CDH13: variants seen among roughly 807,000 people sequenced by gnomAD.
The protein encoded by CDH13 is cadherin 13, also known as cadherin-13.
In CDH13, 24 loss-of-function variants were observed where a neutral mutation model predicts 63.8. That is an observed-to-expected ratio of 0.38 (90% CI 0.27 to 0.53). The LOEUF is 0.53. CDH13 is among the 20% of genes least tolerant of loss of function. The pLI is 0.85. For missense variants in CDH13, 1,049 were observed against 903.1 expected (o/e 1.16, Z -2.07); for synonymous variants, 503 against 355.3 (o/e 1.42, Z -4.67).
intron 1 of CDH13, among the ~76,000 whole-genome samples, chr16:82,757,868 C>T (rs529099799): frequency 6.6e-6 from 1 of 152,056 alleles, no homozygotes; most frequent in Non-Finnish European, 1.5e-5. Flanking sequence ...ACAAGATGGT[C>T]TCGATTTCTT....
chr16:83,276,042 C>T (rs1320995499), intron 5 of CDH13, among the ~76,000 whole-genome samples: 4 of 151,996 alleles, frequency 2.6e-5, no homozygotes, highest in African/African-American at 7.2e-5. Flanking sequence ...TAATTAGAAC[C>T]TGAACACCTA....
chr16:82,973,297 C>G (rs1272010688), intron 2 of CDH13, among the ~76,000 whole-genome samples: 1 of 152,220 alleles, frequency 6.6e-6, no homozygotes, highest in African/African-American at 2.4e-5. Flanking sequence ...TGCCGTCCTT[C>G]TCCTTTGCTC....
intron 8 of CDH13, among the ~76,000 whole-genome samples, chr16:83,611,313 G>T (rs1197214721): frequency 6.6e-6 from 1 of 151,888 alleles, no homozygotes; most frequent in African/African-American, 2.4e-5. Context: ...AATGTCATCT[G>T]TGCTCTATTT....
At chr16:83,070,912 G>C (rs374257810) in intron 3 of CDH13, among the ~76,000 whole-genome samples, 18 of 144,804 alleles carry the variant, frequency 1.2e-4, no homozygotes, top group African/African-American at 4.4e-4. Flanking sequence ...TATTGCTCAT[G>C]ATATACAACC....
intron 1 of CDH13, among the ~76,000 whole-genome samples, chr16:82,836,608 T>G (rs1195239845): frequency 6.6e-6 from 1 of 152,112 alleles, no homozygotes; most frequent in East Asian, 1.9e-4. Context: ...ACAGATAAGT[T>G]CTGGTATAAT....
Position 83,466,457 on chromosome 16 carries a change from C to T in CDH13, c.782-20020C>T, listed in dbSNP as rs552617559. ...TCACCTTCCTATGATCCACTGTCAG[C>T]AGGCTAGATGACATAAGCACACAGC... On this transcript the variant is annotated intron_variant, in intron 6 of 13. Coordinates refer to ENST00000567109, the MANE Select transcript of CDH13 (RefSeq NM_001257.5). Among the ~76,000 whole-genome samples the T allele has an allele frequency of 2.0e-5, 3 of 152,332 alleles. No homozygotes were observed. In the South Asian group the frequency reaches 6.2e-4, roughly 32 times the overall value.
At chr16:83,204,381 C>T (rs1267292662) in intron 4 of CDH13, among the ~76,000 whole-genome samples, 1 of 152,180 alleles carries the variant, frequency 6.6e-6, no homozygotes, top group Non-Finnish European at 1.5e-5. Context: ...CTGTAAAATG[C>T]TAAGAATAGC....
At chr16:83,654,017 A>G (rs1032707596) in intron 8 of CDH13, among the ~76,000 whole-genome samples, 3 of 152,116 alleles carry the variant, frequency 2.0e-5, no homozygotes, top group South Asian at 2.1e-4. Flanking sequence ...ACTGACAGGG[A>G]ATGAACAAAT....
chr16:83,559,577 A>G (rs2075664730), intron 7 of CDH13, among the ~76,000 whole-genome samples: 1 of 53,698 alleles, frequency 1.9e-5, no homozygotes, highest in Non-Finnish European at 3.5e-5. Context: ...ATAAAAAGAA[A>G]GAGAGAGAGA....
At chr16:82,861,360 A>G (rs909325284) in intron 2 of CDH13, among the ~76,000 whole-genome samples, 2 of 152,148 alleles carry the variant, frequency 1.3e-5, no homozygotes, top group African/African-American at 2.4e-5. Flanking sequence ...AGCATAATCA[A>G]TCAATTGATG....
chr16:83,557,139 C>G (rs556069997), intron 7 of CDH13, among the ~76,000 whole-genome samples: 29 of 152,204 alleles, frequency 1.9e-4, no homozygotes, highest in African/African-American at 6.7e-4. Flanking sequence ...GGAGTATGAA[C>G]CTTATTGTCA....
intron 7 of CDH13, among the ~76,000 whole-genome samples, chr16:83,494,917 T>C (rs1331911665): frequency 6.6e-6 from 1 of 152,248 alleles, no homozygotes; most frequent in East Asian, 1.9e-4. Flanking sequence ...TATGGCACTA[T>C]GATGTCACAT....
intron 2 of CDH13, among the ~76,000 whole-genome samples, chr16:82,895,052 A>C (rs954364535): frequency 1.3e-5 from 2 of 152,200 alleles, no homozygotes; most frequent in Admixed American, 1.3e-4. Context: ...TGTCAAGGTG[A>C]AATTTATATG....
At chr16:82,898,495 A>G (rs1001970731) in intron 2 of CDH13, among the ~76,000 whole-genome samples, 8 of 152,244 alleles carry the variant, frequency 5.3e-5, no homozygotes, top group African/African-American at 1.9e-4. Flanking sequence ...ACTGCCCTAC[A>G]GCTTGGGAGA....
In CDH13 at chr16:82,882,854, G is replaced by A. The variant is rs182031876; in HGVS notation, c.157+24381G>A. Among the ~76,000 whole-genome samples, 4 of 152,082 alleles carry A rather than the reference G, an allele frequency of 2.6e-5. No individual in the cohort carries two copies. In the East Asian group the frequency reaches 7.7e-4, roughly 29 times the overall value. The stretch of plus-strand genomic sequence containing the variant: ...GGATCATGCCTATTCTCCTTCTTGG[G>A]ATATTAGGAGAAAAAAAGGATACTA... On this transcript the variant is annotated intron_variant, in intron 2 of 13. Coordinates refer to ENST00000567109, the MANE Select transcript of CDH13 (RefSeq NM_001257.5).
rs763659892 is a variant in CDH13 at position 83,012,550 on chromosome 16, ACT to A, written c.158-19455_158-19454del. Among the ~76,000 whole-genome samples, 8 of 151,842 alleles carry A rather than the reference ACT, an allele frequency of 5.3e-5. No homozygotes were observed. In the East Asian group the frequency reaches 1.2e-3, roughly 22 times the overall value. On this transcript the variant is annotated intron_variant, in intron 2 of 13. Transcript: ENST00000567109. ...GTCATTTGGGGGAAAATAATGACAG[ACT>A]CTCTACAAGAAAAAACTATATATAT...
chr16:83,699,414 T>G (rs1286649353), intron 10 of CDH13, among the ~76,000 whole-genome samples: 2 of 152,228 alleles, frequency 1.3e-5, no homozygotes, highest in Non-Finnish European at 2.9e-5. Flanking sequence ...AAGTCCTGAC[T>G]GCATGCCCCG....
At chr16:83,326,559 GA>G (rs1219094564) in intron 5 of CDH13, among the ~76,000 whole-genome samples, 1 of 152,044 alleles carries the variant, frequency 6.6e-6, no homozygotes, top group Admixed American at 6.6e-5. Context: ...GAAGAGAAGG[GA>G]GATGACTCAT....
intron 2 of CDH13, among the ~76,000 whole-genome samples, chr16:82,889,695 C>G (rs1222481663): frequency 6.6e-6 from 1 of 152,172 alleles, no homozygotes; most frequent in Non-Finnish European, 1.5e-5. Flanking sequence ...TTACACATGA[C>G]AGAGTTGGCT....
Sources: allele counts gnomAD v4.1 joint callset (sites outside exome capture counted in the v4.1 genomes callset), GRCh38; gene constraint gnomAD v4.1.1; transcripts MANE v1.5; gene names NCBI Gene and HGNC (gene_info 2026-07-23, HGNC 2026-07-21).